Variants in RAPGEF5 observed in about 807,000 individuals in gnomAD.
The protein encoded by RAPGEF5 is Rap guanine nucleotide exchange factor 5, also known as M-Ras-regulated GEF.
In RAPGEF5, 65 loss-of-function variants were observed where a neutral mutation model predicts 125.2. That is an observed-to-expected ratio of 0.52 (90% CI 0.43 to 0.64). The LOEUF is 0.64. Ranked by LOEUF, RAPGEF5 falls within the 30% of genes least tolerant of loss-of-function variation. The pLI, the probability that RAPGEF5 is intolerant of heterozygous loss-of-function variation, is 0.00. For synonymous variants in RAPGEF5, 391 were observed against 385.9 expected (o/e 1.01, Z -0.16); for missense variants, 958 against 1,048.1 (o/e 0.91, Z 1.19).
intron 5 of RAPGEF5, among the ~76,000 whole-genome samples, chr7:22,295,637 T>C (rs1005282363): frequency 6.6e-6 from 1 of 152,102 alleles, no homozygotes; most frequent in Non-Finnish European, 1.5e-5. Flanking sequence ...TCACAAAGAC[T>C]AGGACTAGCT....
chr7:22,343,668 C>A (rs1050804362), intron 1 of RAPGEF5, among the ~76,000 whole-genome samples: 2 of 152,124 alleles, frequency 1.3e-5, no homozygotes, highest in Non-Finnish European at 2.9e-5. Flanking sequence ...TGGATGACCC[C>A]CCAAACCATG....
rs375279963 is a variant in RAPGEF5 at position 22,308,357 on chromosome 7, C to A, written c.662G>T (p.Arg221Ile). 1.3e-6 allele frequency: 2 copies of A among 1,588,548 alleles called. No individual in the cohort carries two copies. The highest frequency in any genetic ancestry group is 1.7e-6 in the Non-Finnish European group (2 of 1,166,382). ...LLQLVPLIPARGGICELSHQK... is the reference protein window; with the variant it reads ...LLQLVPLIPAIGGICELSHQK... ...TACTTACAGTTCACAGATGCCACCT[C>A]TGGCAGGAATGAGAGGCACAAGTTG... is the stretch of plus-strand genomic sequence containing the variant. The change falls in exon 5 of 26, where the codon AGA (arginine) becomes ATA (isoleucine). Residue 221 changes from arginine to isoleucine, a missense_variant. By Grantham distance (97) the Arg-to-Ile change is moderately conservative (BLOSUM62 -3). Coordinates refer to ENST00000665637, the MANE Select transcript of RAPGEF5 (RefSeq NM_012294.5).
At chr7:22,336,854 G>A (rs1784035827) in intron 1 of RAPGEF5, among the ~76,000 whole-genome samples, 1 of 152,290 alleles carries the variant, frequency 6.6e-6, no homozygotes, top group South Asian at 2.1e-4. Context: ...TCGTGGCTGT[G>A]TGACAAGGAC....
chr7:22,239,226 C>T (rs140338407), intron 7 of RAPGEF5, among the ~76,000 whole-genome samples: 2 of 152,236 alleles, frequency 1.3e-5, no homozygotes, highest in Admixed American at 6.5e-5. Flanking sequence ...TCATTAAGGC[C>T]GTAATGACTT....
chr7:22,167,004 A>G, intron 12 of RAPGEF5, 66 bp downstream of exon 12: 2 of 1,338,620 alleles, frequency 1.5e-6, no homozygotes, highest in Non-Finnish European at 2.1e-6. Flanking sequence ...AAGGCAGTTA[A>G]TTCCTAACGT....
chr7:22,146,972 A>C lies in RAPGEF5; in HGVS notation c.1932T>G (p.Ile644Met). 1 of 1,613,722 alleles carries C rather than the reference A, an allele frequency of 6.2e-7. No homozygotes were observed. ...CAAGATCCCAAGTGTTCATTCCCAA[A>C]ATCCTCATCGACCTTTGCTGTGATT... ...NEESQQRSMR[I>M]LGMNTWDLAL... The change falls in exon 19 of 26, where the codon ATT (isoleucine) becomes ATG (methionine). Residue 644 changes from isoleucine (I) to methionine (M), a missense_variant. By Grantham distance (10) the Ile-to-Met change is conservative. Coordinates refer to ENST00000665637, the MANE Select transcript of RAPGEF5 (RefSeq NM_012294.5).
At chr7:22,295,667 C>G (rs1476289565) in intron 5 of RAPGEF5, among the ~76,000 whole-genome samples, 1 of 151,774 alleles carries the variant, frequency 6.6e-6, no homozygotes, top group African/African-American at 2.4e-5. Flanking sequence ...ACACTTTTTA[C>G]AAAAACAGTT....
At chr7:22,325,472 C>T (rs1783796465) in intron 1 of RAPGEF5, among the ~76,000 whole-genome samples, 1 of 152,222 alleles carries the variant, frequency 6.6e-6, no homozygotes, top group Non-Finnish European at 1.5e-5. Flanking sequence ...ATTTCCATCC[C>T]TGCCTTAAGT....
intron 7 of RAPGEF5, among the ~76,000 whole-genome samples, chr7:22,240,555 T>C (rs917781513): frequency 2.6e-5 from 4 of 152,054 alleles, no homozygotes; most frequent in Non-Finnish European, 4.4e-5. Context: ...GTATTTTTAG[T>C]AGAGACAGGG....
At chr7:22,139,189 G>C (rs1373677005) in intron 21 of RAPGEF5, among the ~76,000 whole-genome samples, 1 of 152,170 alleles carries the variant, frequency 6.6e-6, no homozygotes, top group Non-Finnish European at 1.5e-5. Flanking sequence ...GAATGGCACA[G>C]TCAGTGATAG....
At chr7:22,309,820 C>A in intron 4 of RAPGEF5, 149 bp downstream of exon 4, 3 of 936,032 alleles carry the variant, frequency 3.2e-6, no homozygotes, top group South Asian at 2.3e-5. Flanking sequence ...AAAAGATGAC[C>A]TGTCACTTAG....
At chr7:22,134,477 G>A (rs1228525818) in intron 23 of RAPGEF5, among the ~76,000 whole-genome samples, 4 of 104,846 alleles carry the variant, frequency 3.8e-5, no homozygotes, top group South Asian at 2.9e-4. Context: ...AATTGCATCC[G>A]AGCTAAAATG....
intron 9 of RAPGEF5, among the ~76,000 whole-genome samples, chr7:22,219,289 G>A (rs183646539): frequency 2.6e-5 from 4 of 151,908 alleles, no homozygotes; most frequent in African/African-American, 4.8e-5. Context: ...AGGACCAAGC[G>A]GAACGTCCCT....
At chr7:22,190,860 AT>A (rs1443269298) in intron 11 of RAPGEF5, among the ~76,000 whole-genome samples, 4 of 152,156 alleles carry the variant, frequency 2.6e-5, no homozygotes, top group Non-Finnish European at 5.9e-5. Context: ...CTTTTCTCCC[AT>A]GGACCCTCTC....
At chr7:22,335,819 T>C (rs1255756637) in intron 1 of RAPGEF5, among the ~76,000 whole-genome samples, 2 of 152,076 alleles carry the variant, frequency 1.3e-5, no homozygotes, top group East Asian at 1.9e-4. Flanking sequence ...ATAAGGTAAC[T>C]TGCACAACAG....
intron 9 of RAPGEF5, among the ~76,000 whole-genome samples, chr7:22,216,552 G>A (rs1343818874): frequency 5.3e-5 from 8 of 152,126 alleles, no homozygotes; most frequent in Admixed American, 5.2e-4. Flanking sequence ...CCCTTGCTCT[G>A]TTGGCACAGT....
chr7:22,150,436 C>T lies in RAPGEF5; in HGVS notation c.1855G>A (p.Val619Ile). The T allele has an allele frequency of 1.3e-6, 2 of 1,587,274 alleles. No homozygotes were observed. Among genetic ancestry groups the T allele is most frequent in the Non-Finnish European group, 1.7e-6 (2 of 1,167,664 alleles). ...KSLEASGRIYVYRKDLADTLN... is the reference protein window; with the variant it reads ...KSLEASGRIYIYRKDLADTLN... ...GTGTCCGCCAGGTCTTTCCGGTAGA[C>T]ATATATTCGACCAGATGCCTCGAGG... Residue 619 changes from valine to isoleucine, a missense_variant, in exon 18 of 26, where the codon GTC becomes ATC. By Grantham distance (29) the Val-to-Ile change is conservative. Transcript: ENST00000665637.
chr7:22,162,634 AC>A, intron 12 of RAPGEF5, 93 bp from the exon 13 acceptor site: 1 of 1,217,958 alleles, frequency 8.2e-7, no homozygotes, highest in Non-Finnish European at 1.2e-6. Flanking sequence ...GTGAAGGCAT[AC>A]AAGTGTATAA....
At chr7:22,148,561 A>AT (rs1783518211) in intron 18 of RAPGEF5, among the ~76,000 whole-genome samples, 1 of 152,226 alleles carries the variant, frequency 6.6e-6, no homozygotes, top group Admixed American at 6.5e-5. Flanking sequence ...TGGTGATGAA[A>AT]TATCTAAATC....
Sources: gnomAD v4.1 joint callset for allele counts (sites outside exome capture counted in the v4.1 genomes callset) on GRCh38, gnomAD v4.1.1 for gene constraint, MANE v1.5 for transcripts, NCBI Gene and HGNC (gene_info 2026-07-23, HGNC 2026-07-21) for gene names.